Variants in TACC2 observed in about 807,000 individuals in gnomAD.
TACC2 encodes transforming acidic coiled-coil-containing protein 2.
A neutral mutation model predicts 227.3 loss-of-function variants in TACC2; 137 were observed. That is an observed-to-expected ratio of 0.60 (90% confidence interval 0.52 to 0.69). TACC2 has a LOEUF of 0.69. Among genes scored for constraint, TACC2 ranks in the 30% least tolerant of loss-of-function variants. TACC2 has a pLI of 0.00. For synonymous variants in TACC2, 1,523 were observed against 1,487.5 expected, an observed-to-expected ratio of 1.02 and a Z score of -0.55; for missense variants, 3,470 against 3,694.4, an observed-to-expected ratio of 0.94 and a Z score of 1.57.
intron 1 of TACC2, among the ~76,000 whole-genome samples, chr10:122,004,444 A>G (rs1954818848): frequency 6.6e-6 from 1 of 151,946 alleles, no homozygotes; most frequent in African/African-American, 2.4e-5. Context: ...TGAAAGATTT[A>G]CAACTTCCCC....
chr10:122,000,247 T>G (rs887143652), intron 1 of TACC2, among the ~76,000 whole-genome samples: 1 of 151,950 alleles, frequency 6.6e-6, no homozygotes, highest in Non-Finnish European at 1.5e-5. Flanking sequence ...GGCTTGGTGG[T>G]GGGTGCCTGT....
At chr10:122,245,673 T>C (rs1271473827) in intron 19 of TACC2, among the ~76,000 whole-genome samples, 1 of 152,204 alleles carries the variant, frequency 6.6e-6, no homozygotes, top group East Asian at 1.9e-4. Context: ...CGCAAGCCAC[T>C]GTGACACTGT....
intron 5 of TACC2, among the ~76,000 whole-genome samples, chr10:122,095,694 T>TA (rs760084881): frequency 8.5e-5 from 13 of 152,214 alleles, no homozygotes; most frequent in Non-Finnish European, 1.6e-4. Context: ...ATCATTCTCT[T>TA]ACTAGCCAGG....
intron 5 of TACC2, among the ~76,000 whole-genome samples, chr10:122,100,066 AC>A (rs1313652492): frequency 6.6e-6 from 1 of 152,086 alleles, no homozygotes; most frequent in Admixed American, 6.5e-5. Context: ...GGAGTTTGAG[AC>A]CAGCCTGGCC....
chr10:122,083,538 G>T lies in TACC2; in HGVS notation c.1038G>T (p.Leu346=), dbSNP rs1330492288. The T allele has an allele frequency of 1.2e-6, 2 of 1,613,124 alleles. No individual in the cohort carries two copies. The highest frequency in any genetic ancestry group is 1.3e-5 in the African/African-American group (1 of 74,944). Residue 346 remains leucine, a synonymous_variant, in exon 4 of 23, where the codon CTG becomes CTT. Transcript: ENST00000369005. ...GAGCATATCTGCCGCACGCAGAGCT[G>T]CCCTGGGGCTTGCCAAGTCCTGCCC... ...PVGAYLPHAE[L]PWGLPSPALV...
chr10:122,201,513 A>T (rs1007903148), intron 8 of TACC2, among the ~76,000 whole-genome samples: 1 of 152,220 alleles, frequency 6.6e-6, no homozygotes, highest in African/African-American at 2.4e-5. Context: ...CTGTGTTCAT[A>T]TGGGGAGGAC....
chr10:122,223,451 TC>T (rs2095561992), intron 11 of TACC2, among the ~76,000 whole-genome samples: 1 of 152,304 alleles, frequency 6.6e-6, no homozygotes, highest in East Asian at 1.9e-4. Flanking sequence ...AAACACACTT[TC>T]TCTACTCATC....
At chr10:122,152,497 G>A (rs1459615051) in intron 7 of TACC2, among the ~76,000 whole-genome samples, 1 of 152,220 alleles carries the variant, frequency 6.6e-6, no homozygotes, top group East Asian at 1.9e-4. Flanking sequence ...ATGTGTCCAC[G>A]ATTGGCACGG....
chr10:122,223,161 C>G (rs1172314464), intron 11 of TACC2, among the ~76,000 whole-genome samples: 1 of 147,000 alleles, frequency 6.8e-6, no homozygotes, highest in Admixed American at 7.1e-5. Context: ...TCCAGTGATT[C>G]TTCTGCCTTA....
chr10:122,229,198 A>G (rs138703879), intron 14 of TACC2, 148 bp from the exon 15 acceptor site: 4 of 883,286 alleles, frequency 4.5e-6, no homozygotes, highest in Non-Finnish European at 7.0e-6. Context: ...TCTAGATGAA[A>G]CCACAAGTAA....
intron 11 of TACC2, among the ~76,000 whole-genome samples, chr10:122,222,684 G>A (rs2095544174): frequency 6.6e-6 from 1 of 152,232 alleles, no homozygotes; most frequent in Non-Finnish European, 1.5e-5. Flanking sequence ...GAGGTTCCAA[G>A]TGGGACACTT....
intron 7 of TACC2, among the ~76,000 whole-genome samples, chr10:122,182,253 G>A (rs2093995018): frequency 6.6e-6 from 1 of 152,192 alleles, no homozygotes; most frequent in African/African-American, 2.4e-5. Context: ...TCAATTTTTG[G>A]ATGCGTGAAA....
chr10:121,991,319 A>G (rs1226237261), intron 1 of TACC2, among the ~76,000 whole-genome samples: 1 of 152,192 alleles, frequency 6.6e-6, no homozygotes, highest in East Asian at 1.9e-4. Flanking sequence ...CAGAGCTTTT[A>G]AATAATCAGG....
At chr10:122,166,377 A>T (rs896356343) in intron 7 of TACC2, among the ~76,000 whole-genome samples, 2 of 152,194 alleles carry the variant, frequency 1.3e-5, no homozygotes, top group Non-Finnish European at 2.9e-5. Context: ...TTGTAGCTCC[A>T]GCTGACAGCT....
Position 122,210,745 on chromosome 10 carries a change from C to T in TACC2, c.6320C>T (p.Ala2107Val), listed in dbSNP as rs2141019564. 6.2e-7 allele frequency: 1 copy of T among 1,614,000 alleles called. No individual in the cohort carries two copies. Among genetic ancestry groups the T allele is most frequent in the Non-Finnish European group, 8.5e-7 (1 of 1,180,022 alleles). Residue 2107 changes from alanine to valine, a missense_variant, in exon 9 of 23, where the codon GCC becomes GTC. Physicochemically the swap from Ala to Val is moderately conservative, Grantham distance 64 (BLOSUM62 0). Coordinates refer to ENST00000369005, the MANE Select transcript of TACC2 (RefSeq NM_206862.4). The surrounding 1 kb of genome is among the most constrained non-coding windows in gnomAD (Gnocchi z 4.6). ...ASSSGNPEAVALAPDAYSTGS... is the reference protein window; with the variant it reads ...ASSSGNPEAVVLAPDAYSTGS... ...TCCTCAGGCAATCCCGAGGCCGTGG[C>T]CCTTGCCCCAGATGCATATAGCACG...
intron 5 of TACC2, among the ~76,000 whole-genome samples, chr10:122,124,561 GT>G (rs2086464823): frequency 1.3e-5 from 2 of 152,206 alleles, no homozygotes; most frequent in Non-Finnish European, 2.9e-5. Context: ...CCAGCCCCAA[GT>G]GTCCAGCTAG....
chr10:122,143,782 G>GAGC (rs1258302335), intron 7 of TACC2, 76 bp downstream of exon 7: 6 of 1,502,934 alleles, frequency 4.0e-6, no homozygotes, highest in Non-Finnish European at 4.5e-6. Flanking sequence ...CCTAGGTCTT[G>GAGC]GGGTGAGCCG....
chr10:122,042,342 A>G (rs1314969690), intron 2 of TACC2, among the ~76,000 whole-genome samples: 1 of 152,092 alleles, frequency 6.6e-6, no homozygotes, highest in Non-Finnish European at 1.5e-5. Context: ...TCCCGGGGTC[A>G]AGCGATTCTC....
intron 7 of TACC2, among the ~76,000 whole-genome samples, chr10:122,155,338 C>G (rs1592694001): frequency 6.6e-6 from 1 of 152,112 alleles, no homozygotes; most frequent in South Asian, 2.1e-4. Flanking sequence ...ATTCCTAGTA[C>G]AAAGTAGCCT....
Sources: allele counts gnomAD v4.1 joint callset (sites outside exome capture counted in the v4.1 genomes callset), GRCh38; gene constraint gnomAD v4.1.1; non-coding constraint Gnocchi (gnomAD v3.1); transcripts MANE v1.5; gene names NCBI Gene and HGNC (gene_info 2026-07-23, HGNC 2026-07-21).